Variants in ZNRF1 observed in about 807,000 individuals in gnomAD.
ZNRF1 encodes the protein zinc and ring finger 1, also known as E3 ubiquitin-protein ligase ZNRF1.
In ZNRF1, 3 loss-of-function variants were observed where a neutral mutation model predicts 18.4. That is an observed-to-expected ratio of 0.16 (90% CI 0.07 to 0.42). The LOEUF (loss-of-function observed/expected upper bound fraction) is 0.42, where lower values mean the gene tolerates loss of function less well. ZNRF1 is among the 10% of genes least tolerant of loss of function. ZNRF1 has a pLI of 0.99. For synonymous variants in ZNRF1, 157 were observed against 144.2 expected, an observed-to-expected ratio of 1.09 and a Z score of -0.64; for missense variants, 310 against 329.8, an observed-to-expected ratio of 0.94 and a Z score of 0.47.
chr16:75,057,501 A>T (rs2000756), intron 1 of ZNRF1, among the ~76,000 whole-genome samples: 140,948 of 152,266 alleles, frequency 0.93, 65,263 homozygotes, highest in Non-Finnish European at 0.93. Flanking sequence ...TTCTGGTCTT[A>T]CAGGTGCTAT....
chr16:75,092,711 C>T (rs2036153908), intron 1 of ZNRF1, among the ~76,000 whole-genome samples: 1 of 152,140 alleles, frequency 6.6e-6, no homozygotes, highest in Non-Finnish European at 1.5e-5. Context: ...GATGTGTAAG[C>T]AGTTCACACA....
At chr16:75,064,410 G>A (rs2035777995) in intron 1 of ZNRF1, among the ~76,000 whole-genome samples, 1 of 151,912 alleles carries the variant, frequency 6.6e-6, no homozygotes, top group South Asian at 2.1e-4. Flanking sequence ...ACAAAAATTA[G>A]CCAGGCGTGG....
At chr16:75,066,017 T>G (rs2035798997) in intron 1 of ZNRF1, among the ~76,000 whole-genome samples, 1 of 151,970 alleles carries the variant, frequency 6.6e-6, no homozygotes. Context: ...GAAGGGAAGG[T>G]AGGAGTGAGA....
chr16:75,092,063 C>T (rs1455140653), intron 1 of ZNRF1, among the ~76,000 whole-genome samples: 1 of 152,064 alleles, frequency 6.6e-6, no homozygotes, highest in Admixed American at 6.5e-5. Flanking sequence ...CTTTGGGAGG[C>T]TGAGGGCAGG....
chr16:75,068,809 G>T (rs1403373733), intron 1 of ZNRF1, among the ~76,000 whole-genome samples: 1 of 151,746 alleles, frequency 6.6e-6, no homozygotes, highest in African/African-American at 2.4e-5. Flanking sequence ...TTTGGCCCTG[G>T]TAGCCAAGGC....
chr16:75,054,662 C>T (rs1055144304), intron 1 of ZNRF1, among the ~76,000 whole-genome samples: 3 of 152,236 alleles, frequency 2.0e-5, no homozygotes, highest in Admixed American at 1.3e-4. Context: ...TCAGGTAATA[C>T]TGGCACTTTG....
At chr16:75,020,603 G>A (rs1039248644) in intron 1 of ZNRF1, among the ~76,000 whole-genome samples, 5 of 151,348 alleles carry the variant, frequency 3.3e-5, no homozygotes, top group African/African-American at 9.7e-5. Flanking sequence ...GTTCAGTGGC[G>A]CGATCTTGGC....
At chr16:75,101,467 A>G (rs1348823620) in intron 2 of ZNRF1, among the ~76,000 whole-genome samples, 1 of 151,386 alleles carries the variant, frequency 6.6e-6, no homozygotes, top group Non-Finnish European at 1.5e-5. Context: ...GGCAGGAGAA[A>G]CTCTTGAGGC....
At chr16:75,107,535 A>C (rs374108067) in intron 4 of ZNRF1, 198 bp from the exon 5 acceptor site, 1 of 343,682 alleles carries the variant, frequency 2.9e-6, no homozygotes. Context: ...GGGAGAAGAA[A>C]GAGCCAGGGG....
chr16:75,089,082 G>A (rs7202163), intron 1 of ZNRF1, among the ~76,000 whole-genome samples: 113,833 of 151,926 alleles, frequency 0.75, 44,557 homozygotes, highest in Non-Finnish European at 0.87. Context: ...TTTCCCACTC[G>A]CATAATAGAC....
At chr16:75,078,671 A>T (rs1299574514) in intron 1 of ZNRF1, among the ~76,000 whole-genome samples, 1 of 152,198 alleles carries the variant, frequency 6.6e-6, no homozygotes, top group East Asian at 1.9e-4. Flanking sequence ...TGAAGTGCTG[A>T]CTTGAGAGAA....
At chr16:75,080,675 G>A (rs562338948) in intron 1 of ZNRF1, among the ~76,000 whole-genome samples, 1 of 152,200 alleles carries the variant, frequency 6.6e-6, no homozygotes, top group East Asian at 1.9e-4. Context: ...CCATAAAAAA[G>A]GGAAGTTAGT....
chr16:75,036,001 G>A (rs751642651), intron 1 of ZNRF1, among the ~76,000 whole-genome samples: 8 of 152,090 alleles, frequency 5.3e-5, no homozygotes, highest in East Asian at 3.9e-4. Context: ...CACCAGTTGC[G>A]ACCAATTATT....
chr16:75,097,012 C>T (rs560516038), intron 2 of ZNRF1, among the ~76,000 whole-genome samples: 2 of 152,100 alleles, frequency 1.3e-5, no homozygotes, highest in East Asian at 1.9e-4. Flanking sequence ...ATGTTAAACC[C>T]CCTGTCCTCC....
chr16:75,008,376 G>C (rs1199159993), intron 1 of ZNRF1, among the ~76,000 whole-genome samples: 1 of 152,136 alleles, frequency 6.6e-6, no homozygotes, highest in African/African-American at 2.4e-5. Context: ...GAAGGTAATG[G>C]TGTCAGTGTC....
Position 74,999,443 on chromosome 16 carries a change from T to C in ZNRF1, c.-229T>C, listed in dbSNP as rs2034804988. 1 of 376,870 alleles carries C rather than the reference T, an allele frequency of 2.7e-6. No homozygotes were observed. Among genetic ancestry groups the C allele is most frequent in the African/African-American group, 2.1e-5 (1 of 47,630 alleles). The allele number at this position is 376,870 out of a possible 1,614,324, so 23.3% of individuals were successfully genotyped here. A position where few individuals can be genotyped will look rare whatever the true frequency, so the allele number is the denominator to read the frequency against. On this transcript the variant is annotated 5_prime_UTR_variant, in exon 1 of 5. Coordinates refer to ENST00000335325, the MANE Select transcript of ZNRF1 (RefSeq NM_032268.5). ...TTTGGACCTTGAGGGGAAACATGCG[T>C]TTGCCTTGGATCGTTTGAAATTCTG...
intron 1 of ZNRF1, among the ~76,000 whole-genome samples, chr16:75,086,281 C>T (rs1240373833): frequency 6.6e-6 from 1 of 152,180 alleles, no homozygotes; most frequent in East Asian, 1.9e-4. Context: ...GATATGTTAA[C>T]ACACACACAG....
At chr16:75,067,270 C>A (rs2035817884) in intron 1 of ZNRF1, among the ~76,000 whole-genome samples, 1 of 152,146 alleles carries the variant, frequency 6.6e-6, no homozygotes, top group Non-Finnish European at 1.5e-5. Context: ...TCTGACTGCC[C>A]CTTGGAAGTC....
chr16:75,083,034 A>G (rs2036033335), intron 1 of ZNRF1, among the ~76,000 whole-genome samples: 1 of 152,216 alleles, frequency 6.6e-6, no homozygotes, highest in African/African-American at 2.4e-5. Context: ...GTGGAATACC[A>G]TATTGAAAAA....
Sources: allele counts gnomAD v4.1 joint callset (sites outside exome capture counted in the v4.1 genomes callset), GRCh38; gene constraint gnomAD v4.1.1; transcripts MANE v1.5; gene names NCBI Gene and HGNC (gene_info 2026-07-23, HGNC 2026-07-21).